PAX5: variants seen among roughly 807,000 people sequenced by gnomAD.
The protein encoded by PAX5 is paired box protein Pax-5.
In PAX5, 9 loss-of-function variants were observed where a neutral mutation model predicts 43.7. That is an observed-to-expected ratio of 0.21 (90% CI 0.12 to 0.36). PAX5 has a LOEUF of 0.36. Among genes scored for constraint, PAX5 ranks in the 10% least tolerant of loss-of-function variants. The pLI is 1.00. For synonymous variants in PAX5, 228 were observed against 214.3 expected, an observed-to-expected ratio of 1.06 and a Z score of -0.56; for missense variants, 383 against 532.7, an observed-to-expected ratio of 0.72 and a Z score of 2.77.
intron 7 of PAX5, among the ~76,000 whole-genome samples, chr9:36,915,016 T>A (rs1160203909): frequency 2.0e-5 from 3 of 152,236 alleles, no homozygotes; most frequent in Non-Finnish European, 4.4e-5. Context: ...TGCATAGTAT[T>A]TTATTGTGTG....
chr9:36,836,934 A>T lies in PAX5; in HGVS notation c.*3626T>A. 1 of 232,534 alleles carries T rather than the reference A, an allele frequency of 4.3e-6. No individual in the cohort carries two copies. The highest frequency in any genetic ancestry group is 8.5e-6 in the Non-Finnish European group (1 of 117,586). 14.4% of individuals were successfully genotyped at this position (232,534 alleles called of 1,614,324 possible). On this transcript the variant is annotated 3_prime_UTR_variant, in exon 10 of 10. Transcript: ENST00000358127. Reference sequence around the variant, plus strand: ...CAGGGACAGCTGGGAAAGAGTCTGGATGAAACCTCAGAAGCACTGTTGTGG... The same window carrying T: ...CAGGGACAGCTGGGAAAGAGTCTGGTTGAAACCTCAGAAGCACTGTTGTGG...
intron 8 of PAX5, among the ~76,000 whole-genome samples, chr9:36,871,683 A>G (rs1312117260): frequency 6.6e-6 from 1 of 152,232 alleles, no homozygotes; most frequent in Non-Finnish European, 1.5e-5. Flanking sequence ...ATGTTCTCAC[A>G]TACTCATGAC....
At chr9:36,848,227 G>A (rs1425667322) in intron 8 of PAX5, among the ~76,000 whole-genome samples, 3 of 152,092 alleles carry the variant, frequency 2.0e-5, no homozygotes, top group Non-Finnish European at 4.4e-5. Flanking sequence ...AAGCCTAGAG[G>A]TGGGCCCCTG....
intron 8 of PAX5, among the ~76,000 whole-genome samples, chr9:36,850,414 A>C (rs1004551496): frequency 1.3e-4 from 20 of 152,324 alleles, no homozygotes; most frequent in African/African-American, 4.8e-4. Flanking sequence ...GATGTTCCTC[A>C]TGTGCAGGAA....
intron 6 of PAX5, among the ~76,000 whole-genome samples, chr9:36,948,182 C>T (rs550223438): frequency 4.6e-5 from 7 of 152,186 alleles, no homozygotes; most frequent in South Asian, 2.1e-4. Flanking sequence ...CCAGCAGGTA[C>T]GCACGCCAGG....
chr9:36,875,324 G>A (rs143731716), intron 8 of PAX5, among the ~76,000 whole-genome samples: 285 of 152,336 alleles, frequency 1.9e-3, no homozygotes, highest in African/African-American at 6.4e-3. Flanking sequence ...GCACTGTGCC[G>A]GGAACTAAGG....
chr9:36,900,552 G>C (rs1828287066), intron 7 of PAX5, among the ~76,000 whole-genome samples: 1 of 152,172 alleles, frequency 6.6e-6, no homozygotes, highest in Non-Finnish European at 1.5e-5. Context: ...TTACAGTGAA[G>C]TCCTGTGACT....
At chr9:37,013,747 G>A (rs1199523499) in intron 3 of PAX5, among the ~76,000 whole-genome samples, 1 of 152,202 alleles carries the variant, frequency 6.6e-6, no homozygotes, top group African/African-American at 2.4e-5. Context: ...GAAACTGTGT[G>A]CCTGATTCTC....
At chr9:36,967,740 G>A (rs1428695206) in intron 5 of PAX5, among the ~76,000 whole-genome samples, 1 of 152,142 alleles carries the variant, frequency 6.6e-6, no homozygotes, top group Non-Finnish European at 1.5e-5. Flanking sequence ...GGAGGTGAGG[G>A]GGAGAGACTT....
chr9:36,929,296 TGAGAGA>T (rs141420738), intron 6 of PAX5, among the ~76,000 whole-genome samples: 6 of 141,250 alleles, frequency 4.2e-5, no homozygotes, highest in South Asian at 2.3e-4. Flanking sequence ...GAAGGATGGA[TGAGAGA>T]GAGAGAGAGA....
intron 4 of PAX5, among the ~76,000 whole-genome samples, chr9:37,005,532 A>T (rs1021782825): frequency 6.6e-6 from 1 of 152,208 alleles, no homozygotes; most frequent in Non-Finnish European, 1.5e-5. Context: ...AGGTGAGAGA[A>T]CTTTTACATT....
At chr9:37,022,182 A>G (rs1338708924) in intron 1 of PAX5, among the ~76,000 whole-genome samples, 1 of 152,212 alleles carries the variant, frequency 6.6e-6, no homozygotes, top group Non-Finnish European at 1.5e-5. Context: ...GAAAAACACA[A>G]TTTTATAGAT....
rs372346274 is a variant in PAX5 at position 37,002,635 on chromosome 9, G to A, written c.604+13C>T. 2.4e-5 allele frequency: 38 copies of A among 1,607,514 alleles called. 2 individuals are homozygous for A. The African/African-American group carries it at 4.0e-4, about 17-fold the overall frequency. ...GAGCGCATCCCCGACGGGGCTGCGC[G>A]GGCCTCTCTTACCTTCGTCTCTCTT... On this transcript the variant is annotated intron_variant, in intron 5 of 9. Transcript: ENST00000358127.
chr9:36,998,641 T>G (rs1415922336), intron 5 of PAX5, among the ~76,000 whole-genome samples: 2 of 152,264 alleles, frequency 1.3e-5, no homozygotes, highest in African/African-American at 4.8e-5. Flanking sequence ...CTAATTTTTT[T>G]ATTTGATTTG....
intron 8 of PAX5, among the ~76,000 whole-genome samples, chr9:36,866,127 C>G (rs1169259390): frequency 6.6e-6 from 1 of 152,194 alleles, no homozygotes; most frequent in Non-Finnish European, 1.5e-5. Context: ...AGGAAACCAG[C>G]GGCTAGGAAG....
intron 6 of PAX5, among the ~76,000 whole-genome samples, chr9:36,964,842 A>G (rs1319219141): frequency 6.6e-6 from 1 of 152,122 alleles, no homozygotes; most frequent in Admixed American, 6.5e-5. Context: ...CACCATAACC[A>G]TGTCCTACCC....
intron 5 of PAX5, among the ~76,000 whole-genome samples, chr9:36,967,803 T>C (rs10973143): frequency 0.74 from 112,466 of 152,084 alleles, 41,964 homozygotes; most frequent in South Asian, 0.86. Flanking sequence ...TTGAATGTAC[T>C]GCTTATTACA....
At chr9:36,985,971 TG>T (rs1216109946) in intron 5 of PAX5, among the ~76,000 whole-genome samples, 1 of 152,044 alleles carries the variant, frequency 6.6e-6, no homozygotes, top group Non-Finnish European at 1.5e-5. Context: ...CATCAAGGAA[TG>T]ATCAAGAACT....
chr9:36,897,588 A>C (rs1827979651), intron 7 of PAX5, among the ~76,000 whole-genome samples: 1 of 152,126 alleles, frequency 6.6e-6, no homozygotes, highest in Admixed American at 6.5e-5. Flanking sequence ...GGTGAGAAGA[A>C]GAAACTCCTG....
Sources: gnomAD v4.1 joint callset for allele counts (sites outside exome capture counted in the v4.1 genomes callset) on GRCh38, gnomAD v4.1.1 for gene constraint, MANE v1.5 for transcripts, NCBI Gene and HGNC (gene_info 2026-07-23, HGNC 2026-07-21) for gene names.